The following ADGRL2 variants were observed in gnomAD, a reference collection of about 807,000 sequenced individuals.
ADGRL2 encodes the protein adhesion G protein-coupled receptor L2.
Under a neutral mutation model 157.4 loss-of-function variants are expected in ADGRL2, and 44 were observed. That is an observed-to-expected ratio of 0.28 (90% CI 0.22 to 0.36). The LOEUF (loss-of-function observed/expected upper bound fraction) is 0.36. ADGRL2 is among the 10% of genes least tolerant of loss of function. The probability of loss-of-function intolerance (pLI) is 1.00; values close to 1 mark genes in which losing one functional copy is unlikely to be tolerated. For missense variants in ADGRL2, 1,510 were observed against 1,768.9 expected (o/e 0.85, Z 2.63); for synonymous variants, 585 against 624.7 (o/e 0.94, Z 0.95).
intron 2 of ADGRL2, among the ~76,000 whole-genome samples, chr1:81,548,170 C>G (rs1295019767): frequency 6.6e-6 from 1 of 151,810 alleles, no homozygotes; most frequent in Non-Finnish European, 1.5e-5. Flanking sequence ...GAAAGAGTTT[C>G]ACATAACAAT....
chr1:81,488,933 CAATT>C (rs1242037263), intron 2 of ADGRL2, among the ~76,000 whole-genome samples: 16 of 151,994 alleles, frequency 1.1e-4, no homozygotes, highest in African/African-American at 3.6e-4. Flanking sequence ...ATGGAAATAT[CAATT>C]AAGAGATGGA....
rs772574945 is a variant in ADGRL2, at chr1:81,515,459, A to AAAT, written c.-247-65416_-247-65415insATA. 1.1e-3 allele frequency among the ~76,000 whole-genome samples: 169 copies of AAAT among 151,478 alleles called. 2 individuals carry two copies. The highest frequency in any genetic ancestry group is 3.4e-3 in the Middle Eastern group (1 of 292). ...AGGAACCTCAGAAAAAAAAAAAAAAAAGTCTTCTGTTAGCACAAAATAAAT... is the reference window on the plus strand; with the variant it reads ...AGGAACCTCAGAAAAAAAAAAAAAAAAATAGTCTTCTGTTAGCACAAAATAAAT... On this transcript the variant is annotated intron_variant, in intron 2 of 24. Transcript: ENST00000370721.
chr1:81,542,426 A>G (rs1420193934), intron 2 of ADGRL2, among the ~76,000 whole-genome samples: 1 of 152,192 alleles, frequency 6.6e-6, no homozygotes, highest in African/African-American at 2.4e-5. Context: ...TGTAGTTTCA[A>G]TTAACTGGGC....
At chr1:81,747,046 A>G (rs1312101748) in intron 1 of ADGRL2, among the ~76,000 whole-genome samples, 1 of 147,222 alleles carries the variant, frequency 6.8e-6, no homozygotes, top group East Asian at 2.0e-4. Flanking sequence ...ATATATATGT[A>G]TATACGTATA....
In ADGRL2 at chr1:81,925,558, T is replaced by TA. The variant is rs79070762; in HGVS notation, c.288-11155dup. Among the ~76,000 whole-genome samples the TA allele has an allele frequency of 2.8e-3, 406 of 143,234 alleles. 2 individuals are homozygous for TA. Among genetic ancestry groups the TA allele is most frequent in the Middle Eastern group, 0.011 (3 of 276 alleles). The allele number at this position is 143,234 out of a possible 152,430, so 94.0% of individuals were successfully genotyped here. On this transcript the variant is annotated intron_variant, in intron 3 of 23. Transcript: ENST00000686636. ...TAGCAGTGTTTTCTTCCCTCTTGATTAAAAAAAAAAAAAAAGTAAGCACTT... is the reference window on the plus strand; with the variant it reads ...TAGCAGTGTTTTCTTCCCTCTTGATTAAAAAAAAAAAAAAAAGTAAGCACTT...
At chr1:81,741,866 C>T (rs926433368) in intron 1 of ADGRL2, among the ~76,000 whole-genome samples, 3 of 151,694 alleles carry the variant, frequency 2.0e-5, no homozygotes, top group Non-Finnish European at 4.4e-5. Flanking sequence ...AAAAATTGAA[C>T]ACACAAAAGG....
At chr1:81,431,027 C>G (rs1488396306) in intron 1 of ADGRL2, among the ~76,000 whole-genome samples, 1 of 152,140 alleles carries the variant, frequency 6.6e-6, no homozygotes, top group Non-Finnish European at 1.5e-5. Flanking sequence ...ATCCCTGATT[C>G]TTTAATAAAA....
intron 2 of ADGRL2, chr1:81,502,726 G>A (rs377389366): frequency 3.1e-6 from 5 of 1,613,594 alleles, no homozygotes; most frequent in Non-Finnish European, 1.7e-6. Context: ...TTCCCCAGCC[G>A]AGCTCCAGGC....
At chr1:81,368,462 G>A (rs892278913) in intron 1 of ADGRL2, among the ~76,000 whole-genome samples, 1 of 151,962 alleles carries the variant, frequency 6.6e-6, no homozygotes, top group African/African-American at 2.4e-5. Flanking sequence ...ACCTCCACTG[G>A]CCACTTCCTT....
chr1:81,795,172 C>T (rs753864957), intron 2 of ADGRL2, among the ~76,000 whole-genome samples: 14 of 151,908 alleles, frequency 9.2e-5, no homozygotes, highest in African/African-American at 3.1e-4. Flanking sequence ...TGAACTGAGG[C>T]GTTCAAGACC....
intron 1 of ADGRL2, among the ~76,000 whole-genome samples, chr1:81,359,173 A>G (rs1384456997): frequency 6.6e-6 from 1 of 152,146 alleles, no homozygotes; most frequent in Non-Finnish European, 1.5e-5. Flanking sequence ...ATACTTGAGC[A>G]TAGACATATC....
intron 2 of ADGRL2, among the ~76,000 whole-genome samples, chr1:81,848,627 A>C (rs746578943): frequency 2.6e-5 from 4 of 151,932 alleles, no homozygotes; most frequent in African/African-American, 9.7e-5. Flanking sequence ...GTTTATTACC[A>C]TTTTAGATGA....
At chr1:81,767,218 T>C (rs1233611843) in intron 2 of ADGRL2, among the ~76,000 whole-genome samples, 1 of 152,216 alleles carries the variant, frequency 6.6e-6, no homozygotes, top group Non-Finnish European at 1.5e-5. Context: ...TTGTAAGATT[T>C]ATTAGTCTTC....
At chr1:81,973,657 G>A (rs938019771) in intron 17 of ADGRL2, among the ~76,000 whole-genome samples, 3 of 152,144 alleles carry the variant, frequency 2.0e-5, no homozygotes, top group African/African-American at 7.2e-5. Flanking sequence ...TTCATTTATA[G>A]TAGAGCACAC....
intron 23 of ADGRL2, chr1:81,988,456 T>C (rs1237962584): frequency 6.9e-6 from 1 of 145,874 alleles, no homozygotes; most frequent in East Asian, 2.5e-4. Context: ...TACCTTTAAG[T>C]GCGAAATGGT....
chr1:81,879,781 G>A (rs1208195245), intron 2 of ADGRL2, among the ~76,000 whole-genome samples: 2 of 152,142 alleles, frequency 1.3e-5, no homozygotes, highest in Admixed American at 1.3e-4. Context: ...GGAGGCCGAG[G>A]CGGGCTGATC....
rs868723 is a variant in ADGRL2 at position 81,745,786 on chromosome 1, G to A, written c.-142-16025G>A. On this transcript the variant is annotated intron_variant, in intron 1 of 20. Coordinates refer to the ADGRL2 transcript ENST00000359929. ...CATTGAATATTTTATTAGCGAGCTT[G>A]TAAATTCTTTGGGTTGTTTCTCCCT... Among the ~76,000 whole-genome samples, 781 of 152,302 alleles carry A rather than the reference G, an allele frequency of 5.1e-3. 2 individuals are homozygous for A. Among genetic ancestry groups the A allele is most frequent in the Non-Finnish European group, 8.1e-3 (551 of 68,024 alleles).
At chr1:81,862,477 T>C (rs2093418867) in intron 2 of ADGRL2, among the ~76,000 whole-genome samples, 1 of 152,178 alleles carries the variant, frequency 6.6e-6, no homozygotes, top group Non-Finnish European at 1.5e-5. Flanking sequence ...ATATCTAATA[T>C]TAAGATAACA....
chr1:81,935,024 C>T (rs1203608360), intron 3 of ADGRL2, among the ~76,000 whole-genome samples: 2 of 151,858 alleles, frequency 1.3e-5, no homozygotes, highest in Non-Finnish European at 2.9e-5. Flanking sequence ...AAAAATGAAA[C>T]ATCAGAATTA....
Sources: allele counts gnomAD v4.1 joint callset (sites outside exome capture counted in the v4.1 genomes callset), GRCh38; gene constraint gnomAD v4.1.1; transcripts MANE v1.5; gene names NCBI Gene and HGNC (gene_info 2026-07-23, HGNC 2026-07-21).